AK3: variants seen among roughly 807,000 people sequenced by gnomAD.
AK3 encodes GTP:AMP phosphotransferase AK3, mitochondrial.
AK3 carries 27 observed loss-of-function variants against 23.7 expected under a neutral mutation model. The observed-to-expected ratio is 1.14, with a 90% confidence interval of 0.84 to 1.57. The LOEUF is 1.57. Ranked by LOEUF, AK3 falls within the 40% of genes most tolerant of loss-of-function variation. The pLI is 0.00. For missense variants in AK3, 406 were observed against 285.6 expected (o/e 1.42, Z -3.04); for synonymous variants, 159 against 116.0 (o/e 1.37, Z -2.38).
chr9:4,728,614 G>C (rs527452284), intron 1 of AK3, among the ~76,000 whole-genome samples: 5 of 152,096 alleles, frequency 3.3e-5, no homozygotes, highest in Admixed American at 6.6e-5. Context: ...AGAATGTGGA[G>C]AAACTGTAAC....
rs1409250024 is a variant in AK3, at chr9:4,740,985, G to A, written c.103C>T (p.His35Tyr). The A allele has an allele frequency of 6.3e-6, 10 of 1,591,086 alleles. No individual in the cohort carries two copies. The highest frequency in any genetic ancestry group is 2.4e-5 in the East Asian group (1 of 41,974). The change falls in exon 1 of 5, where the codon CAC becomes TAC. Residue 35 changes from histidine to tyrosine, a missense_variant. His to Tyr is a moderately conservative substitution (Grantham distance 83). Coordinates refer to ENST00000381809, the MANE Select transcript of AK3 (RefSeq NM_016282.4). Reference sequence around the variant, plus strand: ...CGGAGCAGGTCCCCGCTGGAGAGGTGCTTCAGCTCGAAGTGTGTAGTGATG... The same window carrying A: ...CGGAGCAGGTCCCCGCTGGAGAGGTACTTCAGCTCGAAGTGTGTAGTGATG... Reference protein sequence around the residue: ...SRITTHFELKHLSSGDLLRDN... With the variant: ...SRITTHFELKYLSSGDLLRDN...
chr9:4,719,633 A>T (rs149722736), intron 2 of AK3, among the ~76,000 whole-genome samples: 1 of 152,294 alleles, frequency 6.6e-6, no homozygotes, highest in East Asian at 1.9e-4. Context: ...GGCCTTATCT[A>T]ATCAATTTTA....
intron 3 of AK3, 99 bp from the exon 4 acceptor site, chr9:4,718,636 T>C (rs1168451301): frequency 3.3e-6 from 3 of 901,480 alleles, no homozygotes; most frequent in Non-Finnish European, 5.1e-6. Context: ...TCTGTGCAAG[T>C]GCCAAGCACA....
chr9:4,728,872 C>T (rs71490242), intron 1 of AK3, among the ~76,000 whole-genome samples: 2 of 56,224 alleles, frequency 3.6e-5, no homozygotes, highest in Non-Finnish European at 1.0e-4. Context: ...TATATACACA[C>T]ACACACACAC....
intron 1 of AK3, among the ~76,000 whole-genome samples, chr9:4,733,368 G>C (rs439660): frequency 0.1 from 15,214 of 152,100 alleles, 836 homozygotes; most frequent in African/African-American, 0.14. Context: ...AAACACTTGA[G>C]TCAACAAAGT....
At chr9:4,718,953 T>C (rs1841814416) in intron 3 of AK3, among the ~76,000 whole-genome samples, 182 bp downstream of exon 3, 1 of 152,198 alleles carries the variant, frequency 6.6e-6, no homozygotes, top group African/African-American at 2.4e-5. Flanking sequence ...CCCCTGCTGC[T>C]CCTGGGGCAA....
At chr9:4,713,657 G>A (rs978316879) in intron 4 of AK3, among the ~76,000 whole-genome samples, 1 of 152,038 alleles carries the variant, frequency 6.6e-6, no homozygotes, top group Non-Finnish European at 1.5e-5. Flanking sequence ...AACAGAAAGG[G>A]GAATAAAAAG....
intron 1 of AK3, among the ~76,000 whole-genome samples, chr9:4,724,182 T>C (rs1003007399): frequency 1.3e-5 from 2 of 151,808 alleles, no homozygotes; most frequent in African/African-American, 4.9e-5. Context: ...TTATACTTAA[T>C]GTGTGAACTT....
rs763073392 is a variant in AK3 at position 4,713,099 on chromosome 9, A to G, written c.564-3T>C. 12 of 1,613,038 alleles carry G rather than the reference A, an allele frequency of 7.4e-6. No homozygotes were observed. The highest frequency in any genetic ancestry group is 2.2e-5 in the East Asian group (1 of 44,860). ...ATGTTTCCAGCACCCCTTTTTTCCTAAAGATGAAACAAAAACAAAACAAAC... is the reference window on the plus strand; with the variant it reads ...ATGTTTCCAGCACCCCTTTTTTCCTGAAGATGAAACAAAAACAAAACAAAC... On this transcript the variant is annotated splice_polypyrimidine_tract_variant and splice_region_variant and intron_variant, in intron 4 of 4. Transcript: ENST00000381809.
At chr9:4,716,707 G>C (rs1051728486) in intron 4 of AK3, among the ~76,000 whole-genome samples, 24 of 152,284 alleles carry the variant, frequency 1.6e-4, no homozygotes, top group African/African-American at 5.1e-4. Flanking sequence ...GAGGCAGGAG[G>C]GTTGCCTGAA....
rs59382197 is a variant in AK3 at position 4,720,103 on chromosome 9, A to G, written c.272-796T>C. Among the ~76,000 whole-genome samples, 417 of 152,256 alleles carry G rather than the reference A, an allele frequency of 2.7e-3. 1 individual carries two copies. Among genetic ancestry groups the G allele is most frequent in the African/African-American group, 9.6e-3 (398 of 41,544 alleles). The stretch of plus-strand genomic sequence containing the variant: ...ACACTCCAGAGGCTATTTCTGAAAT[A>G]TGACAAAATGAAACTAAAGTCCAGC... On this transcript the variant is annotated intron_variant, in intron 2 of 4. Coordinates refer to ENST00000381809, the MANE Select transcript of AK3 (RefSeq NM_016282.4).
chr9:4,741,249 G>C (rs1465225134), upstream of AK3: 1 of 739,882 alleles, frequency 1.4e-6, no homozygotes, highest in African/African-American at 1.9e-5. Context: ...CCCTGGGGCC[G>C]CCCAGACAGC....
chr9:4,728,866 T>TATATACACACACAC (rs1395790351), intron 1 of AK3, among the ~76,000 whole-genome samples: 1 of 87,894 alleles, frequency 1.1e-5, no homozygotes, highest in Non-Finnish European at 2.4e-5. Flanking sequence ...TATATATATA[T>TATATACACACACAC]ACACACACAC....
Position 4,722,399 on chromosome 9 carries a change from T to C in AK3, c.271+107A>G. The C allele has an allele frequency of 6.6e-6, 10 of 1,516,882 alleles. No individual in the cohort carries two copies. The South Asian group carries it at 1.1e-4, about 17-fold the overall frequency. The allele number at this position is 1,516,882 out of a possible 1,614,324, so 94.0% of individuals were successfully genotyped here. A position where few individuals can be genotyped will look rare whatever the true frequency, so the allele number is the denominator to read the frequency against. ...TTCAGGATAGTCCCAAGCACCCCTC[T>C]CCCCAAACCACCATCCTTGACGTCT... On this transcript the variant is annotated intron_variant, in intron 2 of 4. Transcript: ENST00000381809.
At chr9:4,740,247 T>C (rs1392697441) in intron 1 of AK3, among the ~76,000 whole-genome samples, 2 of 152,180 alleles carry the variant, frequency 1.3e-5, no homozygotes, top group Admixed American at 1.3e-4. Flanking sequence ...AGAATTTACA[T>C]ACCACAAATT....
At chr9:4,728,466 G>A (rs1407180127) in intron 1 of AK3, among the ~76,000 whole-genome samples, 1 of 152,182 alleles carries the variant, frequency 6.6e-6, no homozygotes, top group Admixed American at 6.5e-5. Flanking sequence ...AGCTACCTGG[G>A]AGGCTGAGGC....
Position 4,712,960 on chromosome 9 carries a change from T to C in AK3, c.*16A>G. 1.7e-5 allele frequency: 27 copies of C among 1,611,662 alleles called. No homozygotes were observed. Among genetic ancestry groups the C allele is most frequent in the Non-Finnish European group, 2.2e-5 (26 of 1,178,918 alleles). On this transcript the variant is annotated 3_prime_UTR_variant, in exon 5 of 5. Transcript: ENST00000381809. The stretch of plus-strand genomic sequence containing the variant: ...GGTTTGCCCATCTTACTATTAATAG[T>C]TACACACATTTCTCCTCATGGAGTA...
In AK3 at chr9:4,719,285, C is replaced by T. The variant is rs1266272063; in HGVS notation, c.294G>A (p.Gln98=). The change falls in exon 3 of 5, where the codon CAG becomes CAA. Residue 98 remains glutamine, a synonymous_variant. Transcript: ENST00000381809. ...LLDGFPRTLP[Q]AEALDRAYQI... ...GATAAGCTCTATCTAGGGCTTCTGC[C>T]TGTGGAAGTGTCCTTGGAAAACCTT... 3 of 1,408,196 alleles carry T rather than the reference C, an allele frequency of 2.1e-6. No homozygotes were observed. Among genetic ancestry groups the T allele is most frequent in the East Asian group, 7.2e-5 (2 of 27,802 alleles). The allele number at this position is 1,408,196 out of a possible 1,614,324, so 87.2% of individuals were successfully genotyped here.
chr9:4,720,266 A>G (rs142894225), intron 2 of AK3, among the ~76,000 whole-genome samples: 1 of 152,342 alleles, frequency 6.6e-6, no homozygotes, highest in African/African-American at 2.4e-5. Flanking sequence ...ACCCAAGTAT[A>G]TTAGGGAATT....
Sources: gnomAD v4.1 joint callset for allele counts (sites outside exome capture counted in the v4.1 genomes callset) on GRCh38, gnomAD v4.1.1 for gene constraint, MANE v1.5 for transcripts, NCBI Gene and HGNC (gene_info 2026-07-23, HGNC 2026-07-21) for gene names.